ROBO1: variants seen among roughly 807,000 people sequenced by gnomAD.
ROBO1 encodes the protein roundabout homolog 1.
A neutral mutation model predicts 195.9 loss-of-function variants in ROBO1; 149 were observed. The observed-to-expected ratio is 0.76, with a 90% CI of 0.67 to 0.87. The LOEUF (loss-of-function observed/expected upper bound fraction) is 0.87. Among genes scored for constraint, ROBO1 ranks in the 40% least tolerant of loss-of-function variants. ROBO1 has a pLI of 0.00. For synonymous variants in ROBO1, 816 were observed against 733.2 expected, an observed-to-expected ratio of 1.11 and a Z score of -1.82; for missense variants, 1,933 against 2,068.3, an observed-to-expected ratio of 0.93 and a Z score of 1.27.
chr3:78,907,236 C>T lies in ROBO1; in HGVS notation c.499+31365G>A, dbSNP rs535737148. On this transcript the variant is annotated intron_variant, in intron 4 of 30. Coordinates refer to ENST00000464233, the MANE Select transcript of ROBO1 (RefSeq NM_002941.4). Reference sequence around the variant, plus strand: ...GTCCTTTACCCATGCATGATTTTGACCTTGTTGGCCCCTGAAAAGATCTCT... The same window carrying T: ...GTCCTTTACCCATGCATGATTTTGATCTTGTTGGCCCCTGAAAAGATCTCT... Among the ~76,000 whole-genome samples the T allele has an allele frequency of 2.6e-4, 40 of 152,044 alleles. No individual in the cohort carries two copies. In the South Asian group the frequency reaches 5.2e-3, roughly 20 times the overall value.
chr3:78,981,171 T>C (rs1245936349), intron 3 of ROBO1, among the ~76,000 whole-genome samples: 1 of 152,220 alleles, frequency 6.6e-6, no homozygotes, highest in Non-Finnish European at 1.5e-5. Flanking sequence ...TACTTAATCA[T>C]ATGCCATTCT....
chr3:78,947,665 AC>A (rs2040523775), intron 3 of ROBO1, among the ~76,000 whole-genome samples: 3 of 152,188 alleles, frequency 2.0e-5, no homozygotes, highest in Admixed American at 2.0e-4. Flanking sequence ...ACAAGAAATA[AC>A]CAAGAACAGA....
At chr3:79,025,573 TTAAC>T (rs1478441448) in intron 3 of ROBO1, among the ~76,000 whole-genome samples, 1 of 152,212 alleles carries the variant, frequency 6.6e-6, no homozygotes, top group Non-Finnish European at 1.5e-5. Flanking sequence ...GCTTCTTTAG[TTAAC>T]TATTTCTATA....
intron 2 of ROBO1, among the ~76,000 whole-genome samples, chr3:79,136,694 A>G (rs2080415793): frequency 6.6e-6 from 1 of 152,140 alleles, no homozygotes; most frequent in Admixed American, 6.5e-5. Context: ...AAATTCTATA[A>G]GATCAAATTT....
At chr3:79,630,458 C>A (rs1026785344) in intron 1 of ROBO1, among the ~76,000 whole-genome samples, 8 of 151,940 alleles carry the variant, frequency 5.3e-5, no homozygotes, top group Non-Finnish European at 1.0e-4. Flanking sequence ...ATGTTAAAAA[C>A]CCTTCACAAA....
chr3:79,113,078 G>A (rs1235853000), intron 3 of ROBO1, among the ~76,000 whole-genome samples: 1 of 152,110 alleles, frequency 6.6e-6, no homozygotes, highest in Non-Finnish European at 1.5e-5. Context: ...GGAGAAGCCA[G>A]GTGGTTGTGA....
At chr3:78,760,822 G>T (rs2083081273) in intron 4 of ROBO1, among the ~76,000 whole-genome samples, 1 of 150,282 alleles carries the variant, frequency 6.7e-6, no homozygotes, top group South Asian at 2.1e-4. Flanking sequence ...TTTATTTTTT[G>T]TAGAGAGGGG....
intron 23 of ROBO1, 39 bp from the exon 24 acceptor site, chr3:78,634,081 T>G (rs753729353): frequency 7.3e-7 from 1 of 1,362,908 alleles, no homozygotes; most frequent in Non-Finnish European, 1.0e-6. Flanking sequence ...ACATTTATTT[T>G]CTCTTCATGA....
chr3:78,704,776 A>G (rs1051984327), intron 8 of ROBO1, among the ~76,000 whole-genome samples: 3 of 152,192 alleles, frequency 2.0e-5, no homozygotes, highest in Admixed American at 1.3e-4. Context: ...CAGGTGGTCA[A>G]TGCTGCAGTG....
chr3:79,736,415 G>A (rs998276824), intron 1 of ROBO1, among the ~76,000 whole-genome samples: 12 of 152,146 alleles, frequency 7.9e-5, no homozygotes, highest in Non-Finnish European at 1.6e-4. Context: ...ATATAATCTA[G>A]TTTTTATTAT....
At chr3:79,195,221 G>C (rs2081612653) in intron 2 of ROBO1, among the ~76,000 whole-genome samples, 1 of 151,452 alleles carries the variant, frequency 6.6e-6, no homozygotes, top group South Asian at 2.1e-4. Context: ...CTCCCTCAAA[G>C]GTCTGTTCAG....
At chr3:78,879,911 G>C (rs935424591) in intron 4 of ROBO1, among the ~76,000 whole-genome samples, 5 of 152,110 alleles carry the variant, frequency 3.3e-5, no homozygotes, top group African/African-American at 1.2e-4. Flanking sequence ...TTGTTTCCTA[G>C]ATTTGATACC....
intron 2 of ROBO1, among the ~76,000 whole-genome samples, chr3:79,364,443 T>G (rs181310016): frequency 1.4e-4 from 22 of 152,130 alleles, no homozygotes. Context: ...TATCTCCATT[T>G]GTTTTAACAG....
At chr3:79,338,495 A>C (rs2034776202) in intron 2 of ROBO1, among the ~76,000 whole-genome samples, 1 of 152,154 alleles carries the variant, frequency 6.6e-6, no homozygotes, top group South Asian at 2.1e-4. Flanking sequence ...TCACTTCTAT[A>C]GTTCGTAATT....
At chr3:79,368,413 G>A (rs149949265) in intron 2 of ROBO1, among the ~76,000 whole-genome samples, 204 of 152,124 alleles carry the variant, frequency 1.3e-3, no homozygotes, top group African/African-American at 4.6e-3. Flanking sequence ...TACCATCTGC[G>A]CATTAAAAGA....
Position 79,700,648 on chromosome 3 carries a change from G to A in ROBO1, c.-51+67104C>T, listed in dbSNP as rs1254358660. On this transcript the variant is annotated intron_variant, in intron 1 of 30. Transcript: ENST00000464233. ...TTAATGATGCTGAACACTTTTTCAT[G>A]TTTGTTGGCCACCTGTATGTCTTCT... 5.3e-5 allele frequency among the ~76,000 whole-genome samples: 8 copies of A among 151,828 alleles called. No individual in the cohort carries two copies. In the South Asian group the frequency reaches 8.3e-4, roughly 16 times the overall value.
chr3:78,827,559 G>T (rs945607574), intron 4 of ROBO1, among the ~76,000 whole-genome samples: 1 of 151,944 alleles, frequency 6.6e-6, no homozygotes, highest in East Asian at 1.9e-4. Context: ...CAGAGAAAAA[G>T]AATGTGTTGT....
chr3:79,498,057 C>G (rs1268494418), intron 2 of ROBO1, among the ~76,000 whole-genome samples: 1 of 152,084 alleles, frequency 6.6e-6, no homozygotes, highest in Non-Finnish European at 1.5e-5. Flanking sequence ...TCTCATCTCT[C>G]TACAATTAGA....
chr3:79,425,069 A>G (rs1469874044), intron 2 of ROBO1, among the ~76,000 whole-genome samples: 4 of 152,126 alleles, frequency 2.6e-5, no homozygotes, highest in Non-Finnish European at 5.9e-5. Flanking sequence ...CATCTGACTC[A>G]CTCGTCAACA....
Sources: allele counts gnomAD v4.1 joint callset (sites outside exome capture counted in the v4.1 genomes callset), GRCh38; gene constraint gnomAD v4.1.1; transcripts MANE v1.5; gene names NCBI Gene and HGNC (gene_info 2026-07-23, HGNC 2026-07-21).